MRPS16: variants seen among roughly 807,000 people sequenced by gnomAD.
MRPS16 encodes small ribosomal subunit protein bS16m.
Under a neutral mutation model 11.0 loss-of-function variants are expected in MRPS16, and 5 were observed. That is an observed-to-expected ratio of 0.46 (90% CI 0.24 to 0.96). The LOEUF (loss-of-function observed/expected upper bound fraction) is 0.96. MRPS16 is among the 40% of genes least tolerant of loss of function. The pLI, the probability that MRPS16 is intolerant of heterozygous loss-of-function variation, is 0.20. For synonymous variants in MRPS16, 76 were observed against 65.0 expected (o/e 1.17, Z -0.81); for missense variants, 179 against 174.4 (o/e 1.03, Z -0.15).
rs1054409925 is a variant in MRPS16, at chr10:73,249,274, T to A, written c.*1578A>T. The A allele has an allele frequency of 1.9e-6, 3 of 1,549,182 alleles. No individual in the cohort carries two copies. Among genetic ancestry groups the A allele is most frequent in the Non-Finnish European group, 2.6e-6 (3 of 1,146,030 alleles). The stretch of plus-strand genomic sequence containing the variant: ...TTCAAATTCTTGATGTTGAATTTCA[T>A]CTCACTGACTTCAGGCTTTTAAAAC... On this transcript the variant is annotated 3_prime_UTR_variant, in exon 3 of 3. Transcript: ENST00000372945.
At position 73,249,398 on chromosome 10, in the gene MRPS16, TC is replaced by T; in HGVS notation, c.*1453del. ...TTCAAATACATTCAAACTATAAAGA[TC>T]CCTTATAGATTACTGGCATCAAGGT... On this transcript the variant is annotated 3_prime_UTR_variant, in exon 3 of 3. Transcript: ENST00000372945. 5.9e-6 allele frequency: 8 copies of T among 1,347,454 alleles called. No individual in the cohort carries two copies. The highest frequency in any genetic ancestry group is 1.3e-5 in the South Asian group (1 of 76,774). 83.5% of individuals were successfully genotyped at this position (1,347,454 alleles called of 1,614,324 possible).
chr10:73,249,303 T>C lies in MRPS16; in HGVS notation c.*1549A>G. On this transcript the variant is annotated 3_prime_UTR_variant, in exon 3 of 3. Coordinates refer to ENST00000372945, the MANE Select transcript of MRPS16 (RefSeq NM_016065.4). The stretch of plus-strand genomic sequence containing the variant: ...ACTGACTTCAGGCTTTTAAAACACA[T>C]GGGAATACTTGAGACCTAAGAATGG... 6.5e-7 allele frequency: 1 copy of C among 1,550,054 alleles called. No homozygotes were observed. Among genetic ancestry groups the C allele is most frequent in the South Asian group, 1.2e-5 (1 of 83,988 alleles).
chr10:73,250,530 T>A lies in MRPS16; in HGVS notation c.*322A>T. On this transcript the variant is annotated 3_prime_UTR_variant, in exon 3 of 3. Transcript: ENST00000372945. Reference sequence around the variant, plus strand: ...GGGCCATGAATAGTCTGGCTGGGGGTTTTGAAGCAGGAAGTCTTGGAAGCC... The same window carrying A: ...GGGCCATGAATAGTCTGGCTGGGGGATTTGAAGCAGGAAGTCTTGGAAGCC... 1 of 363,552 alleles carries A rather than the reference T, an allele frequency of 2.8e-6. No homozygotes were observed. The highest frequency in any genetic ancestry group is 5.2e-6 in the Non-Finnish European group (1 of 192,394). 22.5% of individuals were successfully genotyped at this position (363,552 alleles called of 1,614,324 possible).
chr10:73,251,901 G>A lies in MRPS16; in HGVS notation c.136C>T (p.Arg46Cys). Residue 46 changes from arginine to cysteine, a missense_variant, in exon 2 of 3, where the codon CGT (arginine) becomes TGT (cysteine). By Grantham distance (180) the Arg-to-Cys change is radical (BLOSUM62 -3). Coordinates refer to ENST00000372945, the MANE Select transcript of MRPS16 (RefSeq NM_016065.4). ...TAGGAGCCCAGCTGCTCTACGAAAC[G>A]GCCATCCCTGGGACACTTGTTGTGA... ...AAHNKCPRDG[R>C]FVEQLGSYDP... 3 of 1,614,152 alleles carry A rather than the reference G, an allele frequency of 1.9e-6. No individual in the cohort carries two copies. The highest frequency in any genetic ancestry group is 2.5e-6 in the Non-Finnish European group (3 of 1,180,042).
rs944229134 is a variant in MRPS16, at chr10:73,250,543, A to C, written c.*309T>G. ...TCTGGCTGGGGGTTTTGAAGCAGGA[A>C]GTCTTGGAAGCCAGTAAATTGTAAA... On this transcript the variant is annotated 3_prime_UTR_variant, in exon 3 of 3. Transcript: ENST00000372945. The C allele has an allele frequency of 2.5e-6, 1 of 400,394 alleles. No homozygotes were observed. The highest frequency in any genetic ancestry group is 2.0e-5 in the African/African-American group (1 of 48,994). 24.8% of individuals were successfully genotyped at this position (400,394 alleles called of 1,614,324 possible).
chr10:73,252,050 CAAAA>C, intron 1 of MRPS16, 27 bp from the exon 2 acceptor site: 2 of 1,605,342 alleles, frequency 1.2e-6, no homozygotes, highest in Non-Finnish European at 1.7e-6. Context: ...GGTTAGGACA[CAAAA>C]AACAGCACAA....
Position 73,249,394 on chromosome 10 carries a change from AAGATCCCTTATAGAT to A in MRPS16, c.*1443_*1457del. 1 of 1,403,186 alleles carries A rather than the reference AAGATCCCTTATAGAT, an allele frequency of 7.1e-7. No individual in the cohort carries two copies. Among genetic ancestry groups the A allele is most frequent in the Non-Finnish European group, 9.8e-7 (1 of 1,021,504 alleles). 86.9% of individuals were successfully genotyped at this position (1,403,186 alleles called of 1,614,324 possible). ...GTTATTCAAATACATTCAAACTATA[AAGATCCCTTATAGAT>A]TACTGGCATCAAGGTAGGAAGGAAA... On this transcript the variant is annotated 3_prime_UTR_variant, in exon 3 of 3. Transcript: ENST00000372945.
At position 73,250,892 on chromosome 10, in the gene MRPS16, G is replaced by C. The variant is rs2044081186; in HGVS notation, c.374C>G (p.Thr125Arg). The C allele has an allele frequency of 6.2e-7, 1 of 1,614,056 alleles. No individual in the cohort carries two copies. Among genetic ancestry groups the C allele is most frequent in the African/African-American group, 1.3e-5 (1 of 74,938 alleles). Residue 125 changes from threonine to arginine, a missense_variant, in exon 3 of 3, where the codon ACA (threonine) becomes AGA (arginine). By Grantham distance (71) the Thr-to-Arg change is moderately conservative (BLOSUM62 -1). Transcript: ENST00000372945. ...CTCTGTATCTGTAGCTTCTGCATCTGTTTTCTGAGAAGCTAACAGGACTTC... is the reference window on the plus strand; with the variant it reads ...CTCTGTATCTGTAGCTTCTGCATCTCTTTTCTGAGAAGCTAACAGGACTTC... ...AREVLLASQK[T>R]DAEATDTEAT...
Position 73,249,516 on chromosome 10 carries a change from T to C in MRPS16, c.*1336A>G, listed in dbSNP as rs1391593927. ...AGTTTATCCTAACACAGAGCAGCCT[T>C]CTTAACCTGCTCCATAAAATTACCA... On this transcript the variant is annotated 3_prime_UTR_variant, in exon 3 of 3. Coordinates refer to ENST00000372945, the MANE Select transcript of MRPS16 (RefSeq NM_016065.4). 1 of 523,292 alleles carries C rather than the reference T, an allele frequency of 1.9e-6. No individual in the cohort carries two copies. Among genetic ancestry groups the C allele is most frequent in the South Asian group, 2.8e-5 (1 of 35,130 alleles). The allele number at this position is 523,292 out of a possible 1,614,324, so 32.4% of individuals were successfully genotyped here. A position where few individuals can be genotyped will look rare whatever the true frequency, so the allele number is the denominator to read the frequency against.
At position 73,251,750 on chromosome 10, in the gene MRPS16, A is replaced by G. The variant is rs771242204; in HGVS notation, c.274+13T>C. Reference sequence around the variant, plus strand: ...AAAATCCCCTCAATAAGGTAAGACCAGAGCTGAGTTACCCAGAAGCTTTTC... The same window carrying G: ...AAAATCCCCTCAATAAGGTAAGACCGGAGCTGAGTTACCCAGAAGCTTTTC... On this transcript the variant is annotated intron_variant, in intron 2 of 2. Transcript: ENST00000372945. 7 of 1,614,208 alleles carry G rather than the reference A, an allele frequency of 4.3e-6. No homozygotes were observed. Among genetic ancestry groups the G allele is most frequent in the Non-Finnish European group, 5.1e-6 (6 of 1,180,026 alleles).
Position 73,252,612 on chromosome 10 carries a change from A to G in MRPS16, c.-130T>C. 3 of 1,376,356 alleles carry G rather than the reference A, an allele frequency of 2.2e-6. No homozygotes were observed. The highest frequency in any genetic ancestry group is 3.0e-6 in the Non-Finnish European group (3 of 1,005,756). The allele number at this position is 1,376,356 out of a possible 1,614,324, so 85.3% of individuals were successfully genotyped here. On this transcript the variant is annotated 5_prime_UTR_variant, in exon 1 of 3. Transcript: ENST00000372945. ...ACACCAGGCCGCACCGCCAAGCGGT[A>G]CAAGCCCGAAAACCTCGACTCCGGA...
At position 73,248,875 on chromosome 10, in the gene MRPS16, C is replaced by T; in HGVS notation, c.*1977G>A. 2.7e-6 allele frequency: 1 copy of T among 368,360 alleles called. No homozygotes were observed. Among genetic ancestry groups the T allele is most frequent in the Non-Finnish European group, 5.7e-6 (1 of 175,104 alleles). The allele number at this position is 368,360 out of a possible 1,614,324, so 22.8% of individuals were successfully genotyped here. On this transcript the variant is annotated 3_prime_UTR_variant, in exon 3 of 3. Transcript: ENST00000372945. Reference sequence around the variant, plus strand: ...CGCACACTGAAATATCCTTTTATTGCAACTCAAATTTTCAAAAACCAGAAA... The same window carrying T: ...CGCACACTGAAATATCCTTTTATTGTAACTCAAATTTTCAAAAACCAGAAA...
At position 73,251,974 on chromosome 10, in the gene MRPS16, A is replaced by G. The variant is rs376338190; in HGVS notation, c.63T>C (p.Leu21=). ...GCCGATTGGTGCAGCCACCCAGGGCAAGGCGGATGGTTAAGTGGCCCCCAC... is the reference window on the plus strand; with the variant it reads ...GCCGATTGGTGCAGCCACCCAGGGCGAGGCGGATGGTTAAGTGGCCCCCAC... ...AYRGGHLTIR[L]ALGGCTNRPF... The change falls in exon 2 of 3, where the codon CTT becomes CTC. Residue 21 remains leucine, a synonymous_variant. Transcript: ENST00000372945. The G allele has an allele frequency of 5.6e-6, 9 of 1,614,066 alleles. No individual in the cohort carries two copies. Among genetic ancestry groups the G allele is most frequent in the Non-Finnish European group, 3.4e-6 (4 of 1,180,028 alleles).
Position 73,250,433 on chromosome 10 carries a change from C to A in MRPS16, c.*419G>T. 4.5e-6 allele frequency: 1 copy of A among 224,474 alleles called. No individual in the cohort carries two copies. Among genetic ancestry groups the A allele is most frequent in the East Asian group, 1.1e-4 (1 of 8,894 alleles). 13.9% of individuals were successfully genotyped at this position (224,474 alleles called of 1,614,324 possible). A position where few individuals can be genotyped will look rare whatever the true frequency, so the allele number is the denominator to read the frequency against. Reference sequence around the variant, plus strand: ...ATGCATTAGGCAAGACAATATAAACCTCCAATTACAAAAATCAATTAAGAA... The same window carrying A: ...ATGCATTAGGCAAGACAATATAAACATCCAATTACAAAAATCAATTAAGAA... On this transcript the variant is annotated 3_prime_UTR_variant, in exon 3 of 3. Transcript: ENST00000372945.
At position 73,252,179 on chromosome 10, in the gene MRPS16, G is replaced by C. The variant is rs1347199277; in HGVS notation, c.14-156C>G. ...TACTCTTCTTTGTGAAACCCCTCTTGGCCAGTCCAGCCAGCAATGACCTCC... is the reference window on the plus strand; with the variant it reads ...TACTCTTCTTTGTGAAACCCCTCTTCGCCAGTCCAGCCAGCAATGACCTCC... On this transcript the variant is annotated intron_variant, in intron 1 of 2. Coordinates refer to ENST00000372945, the MANE Select transcript of MRPS16 (RefSeq NM_016065.4). 9.7e-6 allele frequency: 12 copies of C among 1,237,224 alleles called. No homozygotes were observed. The Admixed American group carries it at 1.8e-4, about 19-fold the overall frequency. The allele number at this position is 1,237,224 out of a possible 1,614,324, so 76.6% of individuals were successfully genotyped here.
chr10:73,252,200 C>A, intron 1 of MRPS16, 177 bp from the exon 2 acceptor site: 3 of 1,108,874 alleles, frequency 2.7e-6, no homozygotes, highest in Middle Eastern at 2.7e-4. Context: ...CCAGCAATGA[C>A]CTCCTCCTCA....
intron 2 of MRPS16, among the ~76,000 whole-genome samples, chr10:73,251,193 T>TA (rs1181117724): frequency 6.6e-6 from 1 of 152,032 alleles, no homozygotes; most frequent in Non-Finnish European, 1.5e-5. Context: ...CCCCTTACTT[T>TA]AAAAAACGTA....
intron 1 of MRPS16, 25 bp downstream of exon 1, chr10:73,252,445 G>T (rs1417062621): frequency 6.2e-7 from 1 of 1,609,342 alleles, no homozygotes; most frequent in Admixed American, 1.7e-5. Context: ...CGCCCGGAAC[G>T]TCTCGCGGTG....
At position 73,250,947 on chromosome 10, in the gene MRPS16, C is replaced by T; in HGVS notation, c.319G>A (p.Ala107Thr). Residue 107 changes from alanine to threonine, a missense_variant, in exon 3 of 3, where the codon GCT (alanine) becomes ACT (threonine). Coordinates refer to ENST00000372945, the MANE Select transcript of MRPS16 (RefSeq NM_016065.4). ...FPLHPMMITN[A>T]ERLRRKRARE... ...GCCCGTTTCCTTCGCAGTCTCTCAG[C>T]ATTTGTGATCATCATAGGATGCAGA... The T allele has an allele frequency of 6.2e-7, 1 of 1,614,198 alleles. No homozygotes were observed. Among genetic ancestry groups the T allele is most frequent in the South Asian group, 1.1e-5 (1 of 91,078 alleles).
Sources: gnomAD v4.1 joint callset for allele counts (sites outside exome capture counted in the v4.1 genomes callset) on GRCh38, gnomAD v4.1.1 for gene constraint, MANE v1.5 for transcripts, NCBI Gene and HGNC (gene_info 2026-07-23, HGNC 2026-07-21) for gene names.